Variants in MICAL2 observed in about 807,000 individuals in gnomAD.
MICAL2 encodes the protein [F-actin]-monooxygenase MICAL2.
MICAL2 carries 77 observed loss-of-function variants against 127.3 expected under a neutral mutation model. The observed-to-expected ratio is 0.60, with a 90% CI of 0.50 to 0.73. MICAL2 has a LOEUF of 0.73. Ranked by LOEUF, MICAL2 falls within the 30% of genes least tolerant of loss-of-function variation. The pLI is 0.00. For missense variants in MICAL2, 1,351 were observed against 1,434.4 expected, an observed-to-expected ratio of 0.94 and a Z score of 0.94; for synonymous variants, 570 against 551.1, an observed-to-expected ratio of 1.03 and a Z score of -0.48.
intron 2 of MICAL2, among the ~76,000 whole-genome samples, chr11:12,148,962 C>T (rs2064883214): frequency 6.6e-6 from 1 of 152,138 alleles, no homozygotes; most frequent in African/African-American, 2.4e-5. Context: ...AACTGAGGTT[C>T]AAAGAGGTTA....
At chr11:12,250,889 G>C (rs1333100870) in intron 22 of MICAL2, among the ~76,000 whole-genome samples, 1 of 152,134 alleles carries the variant, frequency 6.6e-6, no homozygotes, top group Non-Finnish European at 1.5e-5. Flanking sequence ...GCATGCTTCT[G>C]TTTGGTAGGA....
chr11:12,330,833 CAG>C (rs1422663669), intron 32 of MICAL2, among the ~76,000 whole-genome samples: 4 of 132,728 alleles, frequency 3.0e-5, no homozygotes, highest in Admixed American at 7.4e-5. Flanking sequence ...GAGAGACAGA[CAG>C]AGAGAGAGAG....
chr11:12,145,508 T>C (rs965150018), intron 2 of MICAL2, among the ~76,000 whole-genome samples: 2 of 152,220 alleles, frequency 1.3e-5, no homozygotes, highest in Non-Finnish European at 2.9e-5. Context: ...AACCCCTGCA[T>C]ACCTAGCCAA....
At chr11:12,295,950 G>A (rs931185135), downstream of MICAL2, among the ~76,000 whole-genome samples, 7 of 151,836 alleles carry the variant, frequency 4.6e-5, no homozygotes, top group East Asian at 7.7e-4. Flanking sequence ...AAACACTTAC[G>A]CATATTTGCA....
intron 34 of MICAL2, chr11:12,355,008 C>CCA (rs1939109738): frequency 1.5e-6 from 1 of 667,134 alleles, no homozygotes; most frequent in Non-Finnish European, 2.6e-6. Flanking sequence ...ACCAGCAGCA[C>CCA]CACAAGCCCC....
At chr11:12,240,646 G>A (rs1424626640) in intron 17 of MICAL2, among the ~76,000 whole-genome samples, 5 of 152,190 alleles carry the variant, frequency 3.3e-5, no homozygotes, top group African/African-American at 4.8e-5. Context: ...CAGAAGCACC[G>A]GAGCGTCCCT....
intron 3 of MICAL2, among the ~76,000 whole-genome samples, chr11:12,171,790 A>C (rs548567044): frequency 6.6e-6 from 1 of 152,346 alleles, no homozygotes; most frequent in African/African-American, 2.4e-5. Context: ...CGCCCAAAAG[A>C]AATATAATGT....
chr11:12,328,520 C>A (rs1472859673), intron 32 of MICAL2, among the ~76,000 whole-genome samples: 1 of 152,064 alleles, frequency 6.6e-6, no homozygotes, highest in Admixed American at 6.6e-5. Context: ...AATATCTTCA[C>A]AAATGAGCTA....
intron 15 of MICAL2, among the ~76,000 whole-genome samples, chr11:12,230,660 TCAGGCTTAAGA>T (rs1300570134): frequency 4.6e-5 from 7 of 152,168 alleles, no homozygotes; most frequent in Non-Finnish European, 1.0e-4. Context: ...CTCTGCTGAG[TCAGGCTTAAGA>T]ACCTCCCTCC....
chr11:12,220,476 A>G lies in MICAL2; in HGVS notation c.1206+18A>G. The G allele has an allele frequency of 7.5e-6, 12 of 1,602,644 alleles. No homozygotes were observed. Among genetic ancestry groups the G allele is most frequent in the Non-Finnish European group, 1.0e-5 (12 of 1,178,984 alleles). ...TGCTTGAGGTACTGCCTGAGCTCGG[A>G]GCCCCCATGTTTCTCTGCGAGACAG... On this transcript the variant is annotated intron_variant, in intron 9 of 27. Coordinates refer to ENST00000683283, the MANE Select transcript of MICAL2 (RefSeq NM_001282663.2).
chr11:12,345,923 C>T (rs949312442), intron 32 of MICAL2, among the ~76,000 whole-genome samples: 2 of 152,150 alleles, frequency 1.3e-5, no homozygotes, highest in Non-Finnish European at 2.9e-5. Flanking sequence ...AAATGACAGA[C>T]GATCTGGAGG....
intron 11 of MICAL2, among the ~76,000 whole-genome samples, chr11:12,223,016 T>C (rs1857003916): frequency 6.6e-6 from 1 of 152,206 alleles, no homozygotes; most frequent in Non-Finnish European, 1.5e-5. Context: ...ATTGCTGATC[T>C]TACCTGTCTC....
chr11:12,142,936 A>T (rs1475209793), intron 2 of MICAL2, among the ~76,000 whole-genome samples: 1 of 152,224 alleles, frequency 6.6e-6, no homozygotes, highest in Non-Finnish European at 1.5e-5. Flanking sequence ...GAAGCGTCAA[A>T]CATTTATCAT....
intron 20 of MICAL2, 142 bp downstream of exon 20, chr11:12,242,914 T>C: frequency 3.5e-6 from 2 of 564,076 alleles, no homozygotes; most frequent in Non-Finnish European, 6.0e-6. Flanking sequence ...AGCCACCAAA[T>C]AATACAAGCT....
At chr11:12,157,547 C>T (rs1854321748) in intron 2 of MICAL2, among the ~76,000 whole-genome samples, 1 of 152,188 alleles carries the variant, frequency 6.6e-6, no homozygotes, top group Non-Finnish European at 1.5e-5. Context: ...TAAAGCATCA[C>T]ATCTTGTTTC....
chr11:12,265,621 A>C (rs1373222094), downstream of MICAL2, among the ~76,000 whole-genome samples: 1 of 152,216 alleles, frequency 6.6e-6, no homozygotes, highest in East Asian at 1.9e-4. Context: ...TTCAAGGTTC[A>C]TTTAAAACAG....
At chr11:12,199,610 G>A (rs75950799) in intron 3 of MICAL2, among the ~76,000 whole-genome samples, 14,936 of 152,156 alleles carry the variant, frequency 0.098, 876 homozygotes, top group Admixed American at 0.16. Flanking sequence ...TGAGAGGGGC[G>A]GCTGGAAGAT....
intron 1 of MICAL2, among the ~76,000 whole-genome samples, chr11:12,120,969 C>T (rs1850460687): frequency 6.6e-6 from 1 of 152,182 alleles, no homozygotes. Flanking sequence ...TAAGGCTGGG[C>T]CCCCAAAAAG....
intron 1 of MICAL2, among the ~76,000 whole-genome samples, chr11:12,279,018 C>T (rs1289407057): frequency 6.6e-6 from 1 of 152,108 alleles, no homozygotes. Flanking sequence ...GTTGTTTCCA[C>T]AGTAAGAATA....
Sources: allele counts gnomAD v4.1 joint callset (sites outside exome capture counted in the v4.1 genomes callset), GRCh38; gene constraint gnomAD v4.1.1; transcripts MANE v1.5; gene names NCBI Gene and HGNC (gene_info 2026-07-23, HGNC 2026-07-21).